The following EGFLAM variants were observed in gnomAD, a reference collection of about 807,000 sequenced individuals.
EGFLAM encodes pikachurin.
EGFLAM carries 79 observed loss-of-function variants against 113.1 expected under a neutral mutation model. That is an observed-to-expected ratio of 0.70 (90% CI 0.58 to 0.84). The LOEUF is 0.84. Ranked by LOEUF, EGFLAM falls within the 40% of genes least tolerant of loss-of-function variation. EGFLAM has a pLI of 0.00. For synonymous variants in EGFLAM, 504 were observed against 487.6 expected (o/e 1.03, Z -0.44); for missense variants, 1,265 against 1,291.6 (o/e 0.98, Z 0.32).
chr5:38,297,959 C>A (rs1292039824), intron 1 of EGFLAM, among the ~76,000 whole-genome samples: 1 of 152,184 alleles, frequency 6.6e-6, no homozygotes, highest in Non-Finnish European at 1.5e-5. Flanking sequence ...CAATGTTGCT[C>A]CAGGGCATTT....
At chr5:38,417,057 A>G (rs1741664476) in intron 11 of EGFLAM, among the ~76,000 whole-genome samples, 1 of 152,086 alleles carries the variant, frequency 6.6e-6, no homozygotes. Context: ...TTGGTCATAA[A>G]AAAAAGAATG....
chr5:38,361,688 G>T (rs1037378310), intron 5 of EGFLAM, among the ~76,000 whole-genome samples: 5 of 152,134 alleles, frequency 3.3e-5, no homozygotes, highest in African/African-American at 1.2e-4. Flanking sequence ...CACATTCAAA[G>T]CTGTCCTAGG....
intron 18 of EGFLAM, among the ~76,000 whole-genome samples, chr5:38,449,964 C>T (rs965039141): frequency 1.3e-5 from 2 of 152,170 alleles, no homozygotes; most frequent in Admixed American, 1.3e-4. Flanking sequence ...CTCCAGAGGC[C>T]ACTCCCCAGC....
chr5:38,352,210 C>T lies in EGFLAM; in HGVS notation c.424C>T (p.Pro142Ser). The T allele has an allele frequency of 6.2e-7, 1 of 1,614,120 alleles. No homozygotes were observed. Among genetic ancestry groups the T allele is most frequent in the East Asian group, 2.2e-5 (1 of 44,870 alleles). The change falls in exon 5 of 22, where the codon CCT (proline) becomes TCT (serine). Residue 142 changes from proline (P) to serine (S), a missense_variant. Physicochemically the swap from Pro to Ser is moderately conservative, Grantham distance 74. Coordinates refer to ENST00000322350, the MANE Select transcript of EGFLAM (RefSeq NM_152403.4). The stretch of plus-strand genomic sequence containing the variant: ...ATCCCACCTAGATTCCTGCCTGCCT[C>T]CTGCAGCTCCCCAGCAGCCACATGT... ...TTLSQDSCLPPAAPQQPHVIV... is the reference protein window; with the variant it reads ...TTLSQDSCLPSAAPQQPHVIV...
intron 4 of EGFLAM, among the ~76,000 whole-genome samples, chr5:38,351,753 G>A (rs1306347908): frequency 6.6e-6 from 1 of 152,142 alleles, no homozygotes; most frequent in Non-Finnish European, 1.5e-5. Flanking sequence ...ACAGAGAAAA[G>A]AATGATTGGC....
intron 1 of EGFLAM, among the ~76,000 whole-genome samples, chr5:38,333,549 T>C (rs1007159111): frequency 1.2e-4 from 18 of 152,316 alleles, no homozygotes; most frequent in Non-Finnish European, 1.9e-4. Context: ...TTTCTAATGA[T>C]CAGTGATGTT....
intron 15 of EGFLAM, among the ~76,000 whole-genome samples, chr5:38,432,838 C>T (rs1265936488): frequency 6.6e-6 from 1 of 152,182 alleles, no homozygotes; most frequent in Non-Finnish European, 1.5e-5. Context: ...AGGTGAAAAC[C>T]ACACCTGAGA....
rs557073922 is a variant in EGFLAM at position 38,303,754 on chromosome 5, G to T, written c.98-33766G>T. On this transcript the variant is annotated intron_variant, in intron 1 of 21. Coordinates refer to ENST00000322350, the MANE Select transcript of EGFLAM (RefSeq NM_152403.4). ...AAGCTCCACTAAAATTACTATAAATGCTTTTTTTCCAAAAAAATGGTAACA... is the reference window on the plus strand; with the variant it reads ...AAGCTCCACTAAAATTACTATAAATTCTTTTTTTCCAAAAAAATGGTAACA... 3.3e-5 allele frequency among the ~76,000 whole-genome samples: 5 copies of T among 152,244 alleles called. No homozygotes were observed. The South Asian group carries it at 1.0e-3, about 32-fold the overall frequency.
At chr5:38,311,323 T>A (rs1396207637) in intron 1 of EGFLAM, among the ~76,000 whole-genome samples, 1 of 152,184 alleles carries the variant, frequency 6.6e-6, no homozygotes, top group African/African-American at 2.4e-5. Context: ...CTAACTGAAA[T>A]TTTGTATCCT....
chr5:38,300,375 C>CTTA lies in EGFLAM; in HGVS notation c.98-37143_98-37142insATT, dbSNP rs1758546490. Among the ~76,000 whole-genome samples, 3 of 140,636 alleles carry CTTA rather than the reference C, an allele frequency of 2.1e-5. No individual in the cohort carries two copies. The East Asian group carries it at 6.1e-4, about 29-fold the overall frequency. 92.3% of individuals were successfully genotyped at this position (140,636 alleles called of 152,430 possible). A position where few individuals can be genotyped will look rare whatever the true frequency, so the allele number is the denominator to read the frequency against. On this transcript the variant is annotated intron_variant, in intron 1 of 21. Coordinates refer to ENST00000322350, the MANE Select transcript of EGFLAM (RefSeq NM_152403.4). ...CTTCTCTTCTTCTCTATCTCTCTCT[C>CTTA]TTTTTTTTTTTTTTTTGAGATGGAG...
In EGFLAM at chr5:38,407,799, C is replaced by T. The variant is rs767818661; in HGVS notation, c.1148-6C>T. On this transcript the variant is annotated splice_region_variant and splice_polypyrimidine_tract_variant and intron_variant, in intron 8 of 21. Coordinates refer to ENST00000322350, the MANE Select transcript of EGFLAM (RefSeq NM_152403.4). ...ATTCTTTTGTGTTGTCTTTTTTCTT[C>T]TTCAGATATTGTTATCCAGTATCCT... 20 of 1,597,792 alleles carry T rather than the reference C, an allele frequency of 1.3e-5. No homozygotes were observed. The Admixed American group carries it at 3.3e-4, about 26-fold the overall frequency.
At chr5:38,339,442 C>T (rs897489258) in intron 3 of EGFLAM, among the ~76,000 whole-genome samples, 7 of 152,182 alleles carry the variant, frequency 4.6e-5, no homozygotes, top group Non-Finnish European at 8.8e-5. Flanking sequence ...CACCAGTGCT[C>T]ATAACACTAT....
chr5:38,320,338 G>A lies in EGFLAM; in HGVS notation c.98-17182G>A, dbSNP rs142712519. Among the ~76,000 whole-genome samples, 16 of 152,320 alleles carry A rather than the reference G, an allele frequency of 1.1e-4. No homozygotes were observed. The East Asian group carries it at 3.1e-3, about 29-fold the overall frequency. ...TCCTGACTTAGTGAAATTAGAAACA[G>A]GGTGGGGTCCAGCAGGCAGTTAGTA... On this transcript the variant is annotated intron_variant, in intron 1 of 21. Transcript: ENST00000322350.
chr5:38,392,880 G>C (rs562210006), intron 6 of EGFLAM, among the ~76,000 whole-genome samples: 1 of 152,088 alleles, frequency 6.6e-6, no homozygotes, highest in South Asian at 2.1e-4. Flanking sequence ...TCCCCATCCT[G>C]TGTCCAAGTG....
At chr5:38,401,457 G>A (rs3110227) in intron 6 of EGFLAM, among the ~76,000 whole-genome samples, 31,958 of 152,084 alleles carry the variant, frequency 0.21, 3,985 homozygotes, top group African/African-American at 0.34. Flanking sequence ...CTGTGGCCTC[G>A]GTTTCCATGC....
chr5:38,463,162 T>G (rs1009544064), intron 21 of EGFLAM, 151 bp downstream of exon 21: 2 of 741,784 alleles, frequency 2.7e-6, no homozygotes, highest in Admixed American at 3.0e-5. Flanking sequence ...TTTTCTGAAC[T>G]GCTGACTCAT....
Position 38,383,412 on chromosome 5 carries a change from GCCTTTTTTTT to G in EGFLAM, c.712+12951_712+12960del, listed in dbSNP as rs1451246110. ...GAAAGGCTACAAACAAATTTGTCAG[GCCTTTTTTTT>G]TTTTTTTAACATTACCCCTGAAAAC... On this transcript the variant is annotated intron_variant, in intron 6 of 21. Transcript: ENST00000322350. 2.1e-3 allele frequency among the ~76,000 whole-genome samples: 313 copies of G among 147,942 alleles called. 1 individual carries two copies. The highest frequency in any genetic ancestry group is 7.3e-3 in the African/African-American group (289 of 39,426).
chr5:38,379,662 G>A (rs1271084148), intron 6 of EGFLAM, among the ~76,000 whole-genome samples: 3 of 151,970 alleles, frequency 2.0e-5, no homozygotes, highest in Admixed American at 6.5e-5. Context: ...ACAGCAAAGC[G>A]GCTTGTGTTG....
chr5:38,427,658 A>T (rs749695181), intron 14 of EGFLAM, among the ~76,000 whole-genome samples: 104 of 152,248 alleles, frequency 6.8e-4, no homozygotes, highest in Non-Finnish European at 7.5e-4. Context: ...GTCAACTAGT[A>T]AAAAAGTATT....
Sources: gnomAD v4.1 joint callset for allele counts (sites outside exome capture counted in the v4.1 genomes callset) on GRCh38, gnomAD v4.1.1 for gene constraint, MANE v1.5 for transcripts, NCBI Gene and HGNC (gene_info 2026-07-23, HGNC 2026-07-21) for gene names.